MC1R: variants seen among roughly 807,000 people sequenced by gnomAD.
The protein encoded by MC1R is melanocyte-stimulating hormone receptor.
For synonymous variants in MC1R, 263 were observed against 203.8 expected (o/e 1.29, Z -2.47); for missense variants, 542 against 430.0 (o/e 1.26, Z -2.30).
In MC1R at chr16:89,920,668, GC is replaced by G. The variant is rs1284099059; in HGVS notation, c.*460del. ...TGTGCCAAGAGCTACTCCCACAGCA[GC>G]CCCAGGAGAAGGGGCTTTGTGACCA... On this transcript the variant is annotated 3_prime_UTR_variant, in exon 1 of 1. Coordinates refer to ENST00000555147, the MANE Select transcript of MC1R (RefSeq NM_002386.4). The G allele has an allele frequency of 1.4e-6, 1 of 716,914 alleles. No homozygotes were observed. The highest frequency in any genetic ancestry group is 2.6e-6 in the Non-Finnish European group (1 of 384,922). The allele number at this position is 716,914 out of a possible 1,614,324, so 44.4% of individuals were successfully genotyped here.
Position 89,920,932 on chromosome 16 carries a change from G to C in MC1R, c.*720G>C. On this transcript the variant is annotated 3_prime_UTR_variant, in exon 1 of 1. Transcript: ENST00000555147. ...AGTGACCAGTGCCTGTGAGCATGGGGCCAGGAAAGTCTGGTAATAAATGTG... is the reference window on the plus strand; with the variant it reads ...AGTGACCAGTGCCTGTGAGCATGGGCCCAGGAAAGTCTGGTAATAAATGTG... 5.4e-6 allele frequency: 3 copies of C among 552,894 alleles called. No individual in the cohort carries two copies. Among genetic ancestry groups the C allele is most frequent in the Non-Finnish European group, 9.8e-6 (3 of 305,458 alleles). 34.2% of individuals were successfully genotyped at this position (552,894 alleles called of 1,614,324 possible).
Position 89,919,944 on chromosome 16 carries a change from GC to G in MC1R, c.689del (p.Pro230ArgfsTer84), listed in dbSNP as rs1567758476. ...QGIARLHKRQ[R>X]PVHQGFGLKG... is the part of the protein sequence containing the mutation. ...ATCGCCCGGCTCCACAAGAGGCAGC[GC>G]CCGGTCCACCAGGGCTTTGGCCTTA... On this transcript the variant is annotated frameshift_variant, in exon 1 of 1. Coordinates refer to ENST00000555147, the MANE Select transcript of MC1R (RefSeq NM_002386.4). LOFTEE classifies it low-confidence loss of function (END_TRUNC). The G allele has an allele frequency of 6.2e-7, 1 of 1,611,462 alleles. No individual in the cohort carries two copies. The highest frequency in any genetic ancestry group is 2.2e-5 in the East Asian group (1 of 44,882).
rs779680061 is a variant in MC1R at position 89,920,137 on chromosome 16, C to T, written c.879C>T (p.Ile293=). Residue 293 remains isoleucine, a synonymous_variant, in exon 1 of 1, where the codon ATC becomes ATT. Transcript: ENST00000555147. The part of the protein sequence containing the change: ...FLALIICNAI[I]DPLIYAFHSQ... Reference sequence around the variant, plus strand: ...CCCTCATCATCTGCAATGCCATCATCGACCCCCTCATCTACGCCTTCCACA... The same window carrying T: ...CCCTCATCATCTGCAATGCCATCATTGACCCCCTCATCTACGCCTTCCACA... 2.5e-6 allele frequency: 4 copies of T among 1,613,940 alleles called. No homozygotes were observed. The highest frequency in any genetic ancestry group is 1.1e-5 in the South Asian group (1 of 91,078).
In MC1R at chr16:89,919,652, C is replaced by A; in HGVS notation, c.394C>A (p.Leu132Ile). Reference protein sequence around the residue: ...VITCSSMLSSLCFLGAIAVDR... With the variant: ...VITCSSMLSSICFLGAIAVDR... ...CACCTGCAGCTCCATGCTGTCCAGC[C>A]TCTGCTTCCTGGGCGCCATCGCCGT... Residue 132 changes from leucine to isoleucine, a missense_variant, in exon 1 of 1, where the codon CTC becomes ATC. Transcript: ENST00000555147. 1 of 1,606,828 alleles carries A rather than the reference C, an allele frequency of 6.2e-7. No homozygotes were observed. The highest frequency in any genetic ancestry group is 8.5e-7 in the Non-Finnish European group (1 of 1,179,628).
rs2045708949 is a variant in MC1R, at chr16:89,920,284, G to A, written c.*72G>A. 1 of 1,318,926 alleles carries A rather than the reference G, an allele frequency of 7.6e-7. No homozygotes were observed. The highest frequency in any genetic ancestry group is 1.1e-6 in the Non-Finnish European group (1 of 936,428). 81.7% of individuals were successfully genotyped at this position (1,318,926 alleles called of 1,614,324 possible). A position where few individuals can be genotyped will look rare whatever the true frequency, so the allele number is the denominator to read the frequency against. ...ATATTGTGTGGTCTGGTTCCTGTGT[G>A]ACCCTGGGCAGTTCCTTACCTCCCT... On this transcript the variant is annotated 3_prime_UTR_variant, in exon 1 of 1. Coordinates refer to ENST00000555147, the MANE Select transcript of MC1R (RefSeq NM_002386.4).
At position 89,919,942 on chromosome 16, in the gene MC1R, G is replaced by A; in HGVS notation, c.684G>A (p.Gln228=). 6.2e-7 allele frequency: 1 copy of A among 1,611,342 alleles called. No individual in the cohort carries two copies. Among genetic ancestry groups the A allele is most frequent in the Non-Finnish European group, 8.5e-7 (1 of 1,179,862 alleles). ...GCATCGCCCGGCTCCACAAGAGGCA[G>A]CGCCCGGTCCACCAGGGCTTTGGCC... The part of the protein sequence containing the change: ...AQGIARLHKR[Q]RPVHQGFGLK... Residue 228 remains glutamine (Q), a synonymous_variant, in exon 1 of 1, where the codon CAG becomes CAA. Transcript: ENST00000555147.
At position 89,919,471 on chromosome 16, in the gene MC1R, A is replaced by G. The variant is rs767278343; in HGVS notation, c.213A>G (p.Ser71=). 4.3e-6 allele frequency: 7 copies of G among 1,612,942 alleles called. No homozygotes were observed. In the East Asian group the frequency reaches 8.9e-5, roughly 21 times the overall value. ...ATIAKNRNLH[S]PMYCFICCLA... ...TCGCCAAGAACCGGAACCTGCACTC[A>G]CCCATGTACTGCTTCATCTGCTGCC... The change falls in exon 1 of 1, where the codon TCA becomes TCG. Residue 71 remains serine, a synonymous_variant. Coordinates refer to ENST00000555147, the MANE Select transcript of MC1R (RefSeq NM_002386.4).
At position 89,920,659 on chromosome 16, in the gene MC1R, C is replaced by T. The variant is rs1322852048; in HGVS notation, c.*447C>T. 1 of 716,788 alleles carries T rather than the reference C, an allele frequency of 1.4e-6. No homozygotes were observed. Among genetic ancestry groups the T allele is most frequent in the Admixed American group, 2.0e-5 (1 of 49,918 alleles). 44.4% of individuals were successfully genotyped at this position (716,788 alleles called of 1,614,324 possible). On this transcript the variant is annotated 3_prime_UTR_variant, in exon 1 of 1. Coordinates refer to ENST00000555147, the MANE Select transcript of MC1R (RefSeq NM_002386.4). ...GTGGAAGTGTGTGCCAAGAGCTACT[C>T]CCACAGCAGCCCCAGGAGAAGGGGC...
chr16:89,920,355 G>A lies in MC1R; in HGVS notation c.*143G>A. 2 of 733,992 alleles carry A rather than the reference G, an allele frequency of 2.7e-6. No homozygotes were observed. Among genetic ancestry groups the A allele is most frequent in the Non-Finnish European group, 4.6e-6 (2 of 437,460 alleles). The allele number at this position is 733,992 out of a possible 1,614,324, so 45.5% of individuals were successfully genotyped here. On this transcript the variant is annotated 3_prime_UTR_variant, in exon 1 of 1. Transcript: ENST00000555147. ...GATGGACTAAATGATCTCTGAAAGT[G>A]TTGAAGCGCGGACCCTTCTGGGTCC...
In MC1R at chr16:89,919,871, G is replaced by C. The variant is rs749525002; in HGVS notation, c.613G>C (p.Val205Leu). The stretch of plus-strand genomic sequence containing the variant: ...CCTGGCTATGCTGGTGCTCATGGCC[G>C]TGCTGTACGTCCACATGCTGGCCCG... ...FFLAMLVLMA[V>L]LYVHMLARAC... Residue 205 changes from valine to leucine, a missense_variant, in exon 1 of 1, where the codon GTG (valine) becomes CTG (leucine). Val to Leu is a conservative substitution (Grantham distance 32). Transcript: ENST00000555147. 3 of 1,606,122 alleles carry C rather than the reference G, an allele frequency of 1.9e-6. No homozygotes were observed. Among genetic ancestry groups the C allele is most frequent in the South Asian group, 1.1e-5 (1 of 91,064 alleles).
In MC1R at chr16:89,920,854, C is replaced by T. The variant is rs1054355588; in HGVS notation, c.*642C>T. The T allele has an allele frequency of 1.0e-5, 6 of 600,362 alleles. No individual in the cohort carries two copies. Among genetic ancestry groups the T allele is most frequent in the Admixed American group, 3.2e-5 (1 of 31,378 alleles). 37.2% of individuals were successfully genotyped at this position (600,362 alleles called of 1,614,324 possible). A position where few individuals can be genotyped will look rare whatever the true frequency, so the allele number is the denominator to read the frequency against. ...TCAGACTGGGCACTGGGGCCTCAGC[C>T]TGCTTTCCTGCAGCAGTCGCCCAAG... On this transcript the variant is annotated 3_prime_UTR_variant, in exon 1 of 1. Coordinates refer to ENST00000555147, the MANE Select transcript of MC1R (RefSeq NM_002386.4).
chr16:89,920,007 T>C lies in MC1R; in HGVS notation c.749T>C (p.Phe250Ser). The change falls in exon 1 of 1, where the codon TTC becomes TCC. Residue 250 changes from phenylalanine to serine, a missense_variant. Phe to Ser is a radical substitution (Grantham distance 155, BLOSUM62 -2). Coordinates refer to ENST00000555147, the MANE Select transcript of MC1R (RefSeq NM_002386.4). ...AVTLTILLGI[F>S]FLCWGPFFLH... ...ACCCTCACCATCCTGCTGGGCATTTTCTTCCTCTGCTGGGGCCCCTTCTTC... is the reference window on the plus strand; with the variant it reads ...ACCCTCACCATCCTGCTGGGCATTTCCTTCCTCTGCTGGGGCCCCTTCTTC... The C allele has an allele frequency of 6.2e-7, 1 of 1,613,616 alleles. No homozygotes were observed. The highest frequency in any genetic ancestry group is 1.3e-5 in the African/African-American group (1 of 75,066).
In MC1R at chr16:89,920,709, C is replaced by A; in HGVS notation, c.*497C>A. On this transcript the variant is annotated 3_prime_UTR_variant, in exon 1 of 1. Coordinates refer to ENST00000555147, the MANE Select transcript of MC1R (RefSeq NM_002386.4). ...CTTTGTGACCAGAAAGCTTCATCCA[C>A]AGCCTTGCAGCGGCTCCTGCAAAAG... is the stretch of plus-strand genomic sequence containing the variant. 1.4e-6 allele frequency: 1 copy of A among 716,912 alleles called. No homozygotes were observed. Among genetic ancestry groups the A allele is most frequent in the Non-Finnish European group, 2.6e-6 (1 of 384,892 alleles). The allele number at this position is 716,912 out of a possible 1,614,324, so 44.4% of individuals were successfully genotyped here.
rs1567757953 is a variant in MC1R at position 89,919,380 on chromosome 16, C to CT, written c.123dup (p.Asp42Ter). The CT allele has an allele frequency of 1.1e-5, 17 of 1,613,212 alleles. No homozygotes were observed. In the Middle Eastern group the frequency reaches 4.9e-4, roughly 47 times the overall value. ...GCCCGGTGCCTGGAGGTGTCCATCT[C>CT]TGACGGGCTCTTCCTCAGCCTGGGG... On this transcript the variant is annotated frameshift_variant, in exon 1 of 1. Coordinates refer to ENST00000555147, the MANE Select transcript of MC1R (RefSeq NM_002386.4). LOFTEE classifies it low-confidence loss of function (END_TRUNC).
In MC1R at chr16:89,919,428, C is replaced by T. The variant is rs117952179; in HGVS notation, c.170C>T (p.Ala57Val). The T allele has an allele frequency of 8.7e-6, 14 of 1,613,258 alleles. No individual in the cohort carries two copies. The highest frequency in any genetic ancestry group is 5.3e-5 in the African/African-American group (4 of 75,064). ...SLGLVSLVEN[A>V]LVVATIAKNR... The stretch of plus-strand genomic sequence containing the variant: ...GGGCTGGTGAGCTTGGTGGAGAACG[C>T]GCTGGTGGTGGCCACCATCGCCAAG... Residue 57 changes from alanine to valine, a missense_variant, in exon 1 of 1, where the codon GCG becomes GTG. Physicochemically the swap from Ala to Val is moderately conservative, Grantham distance 64. Coordinates refer to ENST00000555147, the MANE Select transcript of MC1R (RefSeq NM_002386.4).
chr16:89,920,590 C>T lies in MC1R; in HGVS notation c.*378C>T, dbSNP rs1379027635. On this transcript the variant is annotated 3_prime_UTR_variant, in exon 1 of 1. Transcript: ENST00000555147. ...CACCCCACCCCATCTTTGCTGCCAG[C>T]TCTCAGGACCGTGCCCTCGTCAGCT... 3.0e-6 allele frequency: 2 copies of T among 674,148 alleles called. No homozygotes were observed. Among genetic ancestry groups the T allele is most frequent in the African/African-American group, 3.6e-5 (2 of 55,522 alleles). 41.8% of individuals were successfully genotyped at this position (674,148 alleles called of 1,614,324 possible). A position where few individuals can be genotyped will look rare whatever the true frequency, so the allele number is the denominator to read the frequency against.
chr16:89,919,870 C>A lies in MC1R; in HGVS notation c.612C>A (p.Ala204=). The change falls in exon 1 of 1, where the codon GCC becomes GCA. Residue 204 remains alanine (A), a synonymous_variant. Transcript: ENST00000555147. ...TCCTGGCTATGCTGGTGCTCATGGC[C>A]GTGCTGTACGTCCACATGCTGGCCC... is the stretch of plus-strand genomic sequence containing the variant. The part of the protein sequence containing the change: ...VFFLAMLVLM[A]VLYVHMLARA... The A allele has an allele frequency of 1.2e-6, 2 of 1,606,144 alleles. No homozygotes were observed. The highest frequency in any genetic ancestry group is 8.5e-7 in the Non-Finnish European group (1 of 1,179,598).
Position 89,919,133 on chromosome 16 carries a change from G to A in MC1R, c.-126G>A. 2 of 673,966 alleles carry A rather than the reference G, an allele frequency of 3.0e-6. No individual in the cohort carries two copies. Among genetic ancestry groups the A allele is most frequent in the Non-Finnish European group, 5.0e-6 (2 of 397,378 alleles). The allele number at this position is 673,966 out of a possible 1,614,324, so 41.7% of individuals were successfully genotyped here. A position where few individuals can be genotyped will look rare whatever the true frequency, so the allele number is the denominator to read the frequency against. On this transcript the variant is annotated 5_prime_UTR_variant, in exon 1 of 1. Coordinates refer to ENST00000555147, the MANE Select transcript of MC1R (RefSeq NM_002386.4). ...AGATCTGGGGGTGCCCAGATGGAAG[G>A]AGGCAGGCATGGGGGACACCCAAGG...
rs375867067 is a variant in MC1R, at chr16:89,920,161, C to T, written c.903C>T (p.His301=). The T allele has an allele frequency of 3.7e-6, 6 of 1,613,948 alleles. No homozygotes were observed. Among genetic ancestry groups the T allele is most frequent in the Middle Eastern group, 1.6e-4 (1 of 6,084 alleles). Residue 301 remains histidine, a synonymous_variant, in exon 1 of 1, where the codon CAC becomes CAT. Coordinates refer to ENST00000555147, the MANE Select transcript of MC1R (RefSeq NM_002386.4). ...AIIDPLIYAF[H]SQELRRTLKE... Reference sequence around the variant, plus strand: ...TCGACCCCCTCATCTACGCCTTCCACAGCCAGGAGCTCCGCAGGACGCTCA... The same window carrying T: ...TCGACCCCCTCATCTACGCCTTCCATAGCCAGGAGCTCCGCAGGACGCTCA...
Sources: allele counts gnomAD v4.1 joint callset, GRCh38; gene constraint gnomAD v4.1.1; transcripts MANE v1.5; gene names NCBI Gene and HGNC (gene_info 2026-07-23, HGNC 2026-07-21).